Variants in C13orf42 observed in about 807,000 individuals in gnomAD.
C13orf42 encodes the protein chromosome 13 open reading frame 42.
chr13:51,104,233 G>C (rs1038255074), intron 1 of C13orf42, among the ~76,000 whole-genome samples: 7 of 152,060 alleles, frequency 4.6e-5, no homozygotes, highest in African/African-American at 1.7e-4. Context: ...ATAATCCTTT[G>C]GATGAATTAT....
At chr13:51,116,512 C>T (rs1953493716) in intron 1 of C13orf42, among the ~76,000 whole-genome samples, 1 of 152,206 alleles carries the variant, frequency 6.6e-6, no homozygotes, top group South Asian at 2.1e-4. Flanking sequence ...CCACTGGCTC[C>T]CTTGGCAGGT....
intron 1 of C13orf42, among the ~76,000 whole-genome samples, chr13:51,149,554 T>A (rs1266404399): frequency 1.3e-5 from 2 of 152,108 alleles, no homozygotes; most frequent in African/African-American, 4.8e-5. Flanking sequence ...GAAAAAAATA[T>A]CCTTTGGTCT....
intron 3 of C13orf42, among the ~76,000 whole-genome samples, 172 bp from the exon 4 acceptor site, chr13:51,084,497 T>C (rs1428494214): frequency 2.0e-5 from 3 of 152,238 alleles, no homozygotes; most frequent in Non-Finnish European, 4.4e-5. Context: ...GGACCTCAGC[T>C]GGACCTTGGC....
At chr13:51,161,271 C>T (rs1012940402) in intron 1 of C13orf42, among the ~76,000 whole-genome samples, 1 of 151,726 alleles carries the variant, frequency 6.6e-6, no homozygotes, top group Non-Finnish European at 1.5e-5. Context: ...ACAACTAACT[C>T]CTACTAAGTA....
At chr13:51,125,723 A>G (rs1490261920) in intron 1 of C13orf42, among the ~76,000 whole-genome samples, 1 of 152,214 alleles carries the variant, frequency 6.6e-6, no homozygotes, top group Non-Finnish European at 1.5e-5. Context: ...ATCAATCAGC[A>G]AATATTTGCT....
intron 1 of C13orf42, among the ~76,000 whole-genome samples, chr13:51,136,504 C>CA (rs1953659111): frequency 3.3e-5 from 5 of 152,228 alleles, no homozygotes; most frequent in Admixed American, 1.3e-4. Context: ...TAAGTGCTAT[C>CA]AAAAAAAGTT....
upstream of C13orf42, among the ~76,000 whole-genome samples, chr13:51,116,122 A>G (rs532053863): frequency 3.9e-5 from 6 of 152,330 alleles, no homozygotes; most frequent in African/African-American, 1.4e-4. Flanking sequence ...GAGGTTTACA[A>G]GACTGAAAAT....
intron 1 of C13orf42, among the ~76,000 whole-genome samples, chr13:51,131,674 A>G (rs1446936498): frequency 6.6e-6 from 1 of 152,234 alleles, no homozygotes; most frequent in Admixed American, 6.5e-5. Flanking sequence ...ATCAAAGCCA[A>G]TTTAAAAAGA....
intron 1 of C13orf42, among the ~76,000 whole-genome samples, chr13:51,124,949 AATT>A (rs1357069874): frequency 6.7e-6 from 1 of 150,284 alleles, no homozygotes; most frequent in African/African-American, 2.5e-5. Flanking sequence ...GGGTTAAATG[AATT>A]TTTTTTTCCT....
intron 1 of C13orf42, among the ~76,000 whole-genome samples, chr13:51,101,171 C>T (rs1353812159): frequency 6.6e-6 from 1 of 152,118 alleles, no homozygotes; most frequent in Admixed American, 6.5e-5. Context: ...CATCCTTATA[C>T]TAAAAAATTC....
At chr13:51,147,470 C>T (rs1953745022) in intron 1 of C13orf42, among the ~76,000 whole-genome samples, 1 of 152,162 alleles carries the variant, frequency 6.6e-6, no homozygotes, top group Admixed American at 6.5e-5. Context: ...TGGCTCATGC[C>T]TGTAATCCCA....
intron 1 of C13orf42, among the ~76,000 whole-genome samples, chr13:51,088,441 C>A (rs1001821505): frequency 6.6e-6 from 1 of 152,212 alleles, no homozygotes; most frequent in Non-Finnish European, 1.5e-5. Flanking sequence ...GTGAGACGCT[C>A]ACCACAGGAA....
At chr13:51,170,281 C>T (rs940448650) in intron 1 of C13orf42, among the ~76,000 whole-genome samples, 3 of 152,188 alleles carry the variant, frequency 2.0e-5, no homozygotes, top group African/African-American at 7.2e-5. Context: ...CACACAAAGC[C>T]TGTTTGGTGG....
intron 1 of C13orf42, among the ~76,000 whole-genome samples, chr13:51,157,470 T>C (rs1953833329): frequency 6.6e-6 from 1 of 152,056 alleles, no homozygotes; most frequent in Non-Finnish European, 1.5e-5. Context: ...TAAAATGAAA[T>C]AAAATTCCCA....
chr13:51,152,881 CAT>C (rs556306535), intron 1 of C13orf42, among the ~76,000 whole-genome samples: 82 of 152,258 alleles, frequency 5.4e-4, no homozygotes, highest in African/African-American at 1.9e-3. Flanking sequence ...GCTCGAGCCA[CAT>C]GTCTGCTGGC....
intron 1 of C13orf42, among the ~76,000 whole-genome samples, chr13:51,164,739 A>G (rs1042594534): frequency 6.6e-6 from 1 of 152,248 alleles, no homozygotes; most frequent in Non-Finnish European, 1.5e-5. Flanking sequence ...ATGTACACTG[A>G]AAGTGGAGAC....
intron 1 of C13orf42, among the ~76,000 whole-genome samples, chr13:51,170,024 G>A (rs58315768): frequency 0.11 from 16,132 of 152,102 alleles, 1,001 homozygotes; most frequent in East Asian, 0.25. Context: ...GTAAATGGCC[G>A]GTCCTTGCCT....
At chr13:51,145,696 G>A (rs996881228) in intron 1 of C13orf42, among the ~76,000 whole-genome samples, 2 of 146,288 alleles carry the variant, frequency 1.4e-5, no homozygotes, top group South Asian at 4.4e-4. Flanking sequence ...TGCCTCCTTT[G>A]GAAAGACTAA....
intron 2 of C13orf42, among the ~76,000 whole-genome samples, chr13:51,086,550 C>T (rs1953130036): frequency 6.6e-6 from 1 of 151,904 alleles, no homozygotes; most frequent in African/African-American, 2.4e-5. Flanking sequence ...CTCAAAAAGA[C>T]ATATCCCCAA....
Sources: allele counts gnomAD v4.1 joint callset (sites outside exome capture counted in the v4.1 genomes callset), GRCh38; gene constraint gnomAD v4.1.1; transcripts MANE v1.5; gene names NCBI Gene and HGNC (gene_info 2026-07-23, HGNC 2026-07-21).